Variants in CPQ observed in about 807,000 individuals in gnomAD.
CPQ encodes the protein Ser-Met dipeptidase.
CPQ carries 37 observed loss-of-function variants against 45.7 expected under a neutral mutation model. That is an observed-to-expected ratio of 0.81 (90% CI 0.62 to 1.07). The LOEUF (loss-of-function observed/expected upper bound fraction) is 1.07, where lower values mean the gene tolerates loss of function less well. Ranked by LOEUF, CPQ falls within the 50% of genes least tolerant of loss-of-function variation. The probability of loss-of-function intolerance (pLI) is 0.00; values close to 1 mark genes in which losing one functional copy is unlikely to be tolerated. For missense variants in CPQ, 537 were observed against 572.9 expected (o/e 0.94, Z 0.64); for synonymous variants, 186 against 205.8 (o/e 0.90, Z 0.82).
intron 7 of CPQ, among the ~76,000 whole-genome samples, chr8:97,073,570 A>G (rs1237401006): frequency 6.6e-6 from 1 of 152,174 alleles, no homozygotes; most frequent in Non-Finnish European, 1.5e-5. Context: ...TGTAATCCTC[A>G]AGCCCTCGTT....
At chr8:96,833,416 C>G (rs1811485343) in intron 2 of CPQ, among the ~76,000 whole-genome samples, 1 of 152,168 alleles carries the variant, frequency 6.6e-6, no homozygotes, top group South Asian at 2.1e-4. Context: ...AATTTGGCTT[C>G]ATTTCTAGTG....
At chr8:96,654,264 C>T (rs1815612605) in intron 1 of CPQ, among the ~76,000 whole-genome samples, 1 of 152,158 alleles carries the variant, frequency 6.6e-6, no homozygotes, top group African/African-American at 2.4e-5. Context: ...CACCTTTTTT[C>T]CCACTATATT....
chr8:97,110,387 T>G (rs1410678755), intron 7 of CPQ, among the ~76,000 whole-genome samples: 1 of 152,192 alleles, frequency 6.6e-6, no homozygotes, highest in Non-Finnish European at 1.5e-5. Context: ...CATATTTAAC[T>G]TTTTTTCAGT....
chr8:97,026,143 G>T (rs1240843577), intron 5 of CPQ, among the ~76,000 whole-genome samples: 5 of 152,178 alleles, frequency 3.3e-5, no homozygotes, highest in Non-Finnish European at 7.4e-5. Flanking sequence ...GTCTCACCTA[G>T]TTCTCCCACA....
chr8:96,931,704 T>C (rs73698818), intron 4 of CPQ, among the ~76,000 whole-genome samples: 12,215 of 152,278 alleles, frequency 0.08, 952 homozygotes, highest in African/African-American at 0.21. Flanking sequence ...ACGACAGTGG[T>C]CTGAGTGTCT....
intron 1 of CPQ, among the ~76,000 whole-genome samples, chr8:96,744,209 G>T (rs533981072): frequency 5.5e-5 from 8 of 146,174 alleles, no homozygotes; most frequent in African/African-American, 1.5e-4. Flanking sequence ...TCGGAAAAGC[G>T]CAGTATTAGG....
At chr8:96,962,441 G>A (rs994747275) in intron 4 of CPQ, among the ~76,000 whole-genome samples, 2 of 152,202 alleles carry the variant, frequency 1.3e-5, no homozygotes, top group African/African-American at 4.8e-5. Context: ...TCTAGGCCAT[G>A]CTTTTGCTCA....
rs1371001679 is a variant in CPQ at position 96,925,319 on chromosome 8, C to G, written c.850-40616C>G. On this transcript the variant is annotated intron_variant, in intron 4 of 7. Coordinates refer to ENST00000220763, the MANE Select transcript of CPQ (RefSeq NM_016134.4). ...GGGGAGCTGTAAAAAATCCTGTTGA[C>G]TAGGCTACACCCTAGAACCCTAGAT... Among the ~76,000 whole-genome samples, 3 of 151,782 alleles carry G rather than the reference C, an allele frequency of 2.0e-5. No homozygotes were observed. In the East Asian group the frequency reaches 5.8e-4, roughly 29 times the overall value.
intron 5 of CPQ, among the ~76,000 whole-genome samples, chr8:97,009,136 C>CATCA (rs1359493952): frequency 1.3e-5 from 2 of 152,240 alleles, no homozygotes; most frequent in African/African-American, 4.8e-5. Context: ...AGACACTCTG[C>CATCA]ATCAGCAACG....
intron 1 of CPQ, among the ~76,000 whole-genome samples, chr8:96,647,832 A>G (rs1002100413): frequency 1.3e-5 from 2 of 152,184 alleles, no homozygotes; most frequent in Non-Finnish European, 2.9e-5. Flanking sequence ...ATGTGTTCAG[A>G]CTTACCAATT....
intron 2 of CPQ, among the ~76,000 whole-genome samples, chr8:96,817,064 G>GA (rs1206096337): frequency 1.3e-5 from 2 of 152,168 alleles, no homozygotes; most frequent in African/African-American, 4.8e-5. Context: ...CTGTCCATTT[G>GA]AAGCTTTGAA....
At chr8:96,845,590 A>G (rs1282522606) in intron 3 of CPQ, among the ~76,000 whole-genome samples, 1 of 152,100 alleles carries the variant, frequency 6.6e-6, no homozygotes, top group Non-Finnish European at 1.5e-5. Flanking sequence ...TGGCATGATC[A>G]TGGCTCACTG....
At chr8:96,687,175 T>TTTCTC (rs199945706) in intron 1 of CPQ, among the ~76,000 whole-genome samples, 29 of 151,702 alleles carry the variant, frequency 1.9e-4, no homozygotes, top group East Asian at 5.8e-4. Flanking sequence ...TTTTCTTTTC[T>TTTCTC]TTCTCTTCTC....
At chr8:96,805,033 G>C (rs1811062065) in intron 2 of CPQ, among the ~76,000 whole-genome samples, 1 of 152,092 alleles carries the variant, frequency 6.6e-6, no homozygotes, top group African/African-American at 2.4e-5. Context: ...CTGTTTGTGG[G>C]CATTGCCAGT....
intron 1 of CPQ, among the ~76,000 whole-genome samples, chr8:96,723,306 A>T (rs1698232778): frequency 6.6e-6 from 1 of 152,236 alleles, no homozygotes; most frequent in Non-Finnish European, 1.5e-5. Flanking sequence ...AATAAAATAC[A>T]GTAATGGTTG....
intron 6 of CPQ, among the ~76,000 whole-genome samples, chr8:97,030,508 T>G (rs926686085): frequency 6.6e-6 from 1 of 152,176 alleles, no homozygotes; most frequent in African/African-American, 2.4e-5. Flanking sequence ...CCCTACTCTT[T>G]CACCACTTTA....
intron 1 of CPQ, among the ~76,000 whole-genome samples, chr8:96,661,127 CTT>C (rs1422705685): frequency 6.6e-6 from 1 of 152,106 alleles, no homozygotes; most frequent in Admixed American, 6.6e-5. Context: ...TTTATTGTGA[CTT>C]TTTATAAAAT....
At chr8:97,028,555 G>C (rs1416370183) in intron 5 of CPQ, among the ~76,000 whole-genome samples, 1 of 152,332 alleles carries the variant, frequency 6.6e-6, no homozygotes, top group Non-Finnish European at 1.5e-5. Context: ...TTATCAGTCT[G>C]AGTCAGAACA....
chr8:96,933,812 A>C (rs1170175914), intron 4 of CPQ, among the ~76,000 whole-genome samples: 2 of 149,752 alleles, frequency 1.3e-5, no homozygotes, highest in African/African-American at 5.1e-5. Context: ...GTGATAGAGA[A>C]GAAAAAAAAA....
Sources: allele counts gnomAD v4.1 joint callset (sites outside exome capture counted in the v4.1 genomes callset), GRCh38; gene constraint gnomAD v4.1.1; transcripts MANE v1.5; gene names NCBI Gene and HGNC (gene_info 2026-07-23, HGNC 2026-07-21).